CALN1: variants seen among roughly 807,000 people sequenced by gnomAD.
The protein encoded by CALN1 is calneuron 1.
CALN1 carries 17 observed loss-of-function variants against 30.6 expected under a neutral mutation model. The ratio of observed to expected loss-of-function variants is 0.56; its 90% CI spans 0.38 to 0.83. CALN1 has a LOEUF of 0.83. Among genes scored for constraint, CALN1 ranks in the 40% least tolerant of loss-of-function variants. The pLI is 0.00. For synonymous variants in CALN1, 156 were observed against 131.4 expected, an observed-to-expected ratio of 1.19 and a Z score of -1.28; for missense variants, 291 against 354.9, an observed-to-expected ratio of 0.82 and a Z score of 1.45.
At chr7:72,145,344 T>C (rs1252659990) in intron 3 of CALN1, among the ~76,000 whole-genome samples, 2 of 152,098 alleles carry the variant, frequency 1.3e-5, no homozygotes, top group Non-Finnish European at 2.9e-5. Context: ...TATAAACACC[T>C]CTACACAAAT....
At chr7:71,866,454 A>G (rs1419832565) in intron 5 of CALN1, among the ~76,000 whole-genome samples, 12 of 152,028 alleles carry the variant, frequency 7.9e-5, no homozygotes, top group African/African-American at 2.7e-4. Context: ...CATTTTTGCT[A>G]TTTGTTTTAC....
At chr7:72,382,591 T>C (rs933700598) in intron 2 of CALN1, among the ~76,000 whole-genome samples, 11 of 152,166 alleles carry the variant, frequency 7.2e-5, no homozygotes, top group Non-Finnish European at 1.6e-4. Flanking sequence ...CAATAGGAAG[T>C]TTCTCAACCC....
intron 3 of CALN1, among the ~76,000 whole-genome samples, chr7:72,212,216 G>A (rs1481479609): frequency 6.6e-6 from 1 of 152,032 alleles, no homozygotes; most frequent in Non-Finnish European, 1.5e-5. Context: ...AGGCGTGGTG[G>A]CAGGCACCTG....
intron 3 of CALN1, among the ~76,000 whole-genome samples, chr7:72,181,798 A>G (rs1789829988): frequency 6.6e-6 from 1 of 152,170 alleles, no homozygotes; most frequent in Admixed American, 6.5e-5. Flanking sequence ...TTTATCTATT[A>G]CTATATGAAA....
At chr7:72,446,167 G>A (rs957505361) in intron 1 of CALN1, among the ~76,000 whole-genome samples, 33 of 152,200 alleles carry the variant, frequency 2.2e-4, no homozygotes, top group South Asian at 1.2e-3. Flanking sequence ...TCAAGCTGAC[G>A]GAAAGGAAAT....
chr7:71,945,532 G>T (rs1796361016), intron 5 of CALN1, among the ~76,000 whole-genome samples: 1 of 152,190 alleles, frequency 6.6e-6, no homozygotes, highest in Non-Finnish European at 1.5e-5. Flanking sequence ...TGAGTGGCAG[G>T]TGAGCAAACA....
chr7:71,801,416 G>GTATCTATCTATCTATC (rs1245370935), intron 6 of CALN1, among the ~76,000 whole-genome samples: 13 of 108,126 alleles, frequency 1.2e-4, no homozygotes, highest in East Asian at 2.5e-4. Flanking sequence ...ATGTATGTAT[G>GTATCTATCTATCTATC]TATGTATGTA....
At chr7:71,953,562 C>T (rs1041932938) in intron 5 of CALN1, among the ~76,000 whole-genome samples, 14 of 152,086 alleles carry the variant, frequency 9.2e-5, no homozygotes, top group Admixed American at 3.3e-4. Flanking sequence ...TGGTGTTTTC[C>T]GCATTCTAAG....
intron 4 of CALN1, among the ~76,000 whole-genome samples, chr7:72,054,108 T>C (rs1295315644): frequency 3.9e-5 from 6 of 152,126 alleles, no homozygotes; most frequent in Non-Finnish European, 2.9e-5. Flanking sequence ...TAAACACGCA[T>C]GTGCAAGTAC....
intron 5 of CALN1, among the ~76,000 whole-genome samples, chr7:71,875,280 G>T (rs1226740340): frequency 6.6e-6 from 1 of 151,574 alleles, no homozygotes; most frequent in African/African-American, 2.4e-5. Context: ...CCAGAGACCT[G>T]ACAGAACTGG....
intron 4 of CALN1, among the ~76,000 whole-genome samples, chr7:72,072,692 T>A (rs1804481638): frequency 6.6e-6 from 1 of 152,214 alleles, no homozygotes; most frequent in Non-Finnish European, 1.5e-5. Flanking sequence ...AATAATTTTT[T>A]AAAAGAAATT....
At chr7:72,293,357 T>A (rs991447906) in intron 2 of CALN1, among the ~76,000 whole-genome samples, 1 of 152,024 alleles carries the variant, frequency 6.6e-6, no homozygotes, top group South Asian at 2.1e-4. Context: ...AAAGGAGAGA[T>A]GGAAAGGCTT....
intron 2 of CALN1, among the ~76,000 whole-genome samples, chr7:72,352,429 C>G (rs2968515): frequency 0.36 from 52,552 of 146,360 alleles, 10,240 homozygotes; most frequent in Middle Eastern, 0.53. Context: ...TTAAAGTTAT[C>G]AAAATCATAC....
At chr7:72,442,412 G>C (rs1156990731) in intron 1 of CALN1, among the ~76,000 whole-genome samples, 1 of 152,178 alleles carries the variant, frequency 6.6e-6, no homozygotes, top group East Asian at 1.9e-4. Context: ...ATTCTATTTA[G>C]GATTGCACTT....
chr7:72,477,360 A>G, the CALN1 span, among the ~76,000 whole-genome samples: 2 of 152,170 alleles, frequency 1.3e-5, no homozygotes, highest in Admixed American at 6.5e-5. Flanking sequence ...CCCAGTACAC[A>G]AAAGAGTTAA....
rs184554305 is a variant in CALN1 at position 71,831,423 on chromosome 7, T to A, written c.502-20931A>T. Among the ~76,000 whole-genome samples, 1,356 of 152,172 alleles carry A rather than the reference T, an allele frequency of 8.9e-3. 16 individuals are homozygous for A. The highest frequency in any genetic ancestry group is 0.03 in the African/African-American group (1,232 of 41,508). Reference sequence around the variant, plus strand: ...TGAACCCAGGAGGCAGATGTTGCAGTAAGCCAAGATCGTGCCACTGCACTC... The same window carrying A: ...TGAACCCAGGAGGCAGATGTTGCAGAAAGCCAAGATCGTGCCACTGCACTC... On this transcript the variant is annotated intron_variant, in intron 5 of 6. Coordinates refer to ENST00000395275, the MANE Select transcript of CALN1 (RefSeq NM_031468.4).
intron 3 of CALN1, among the ~76,000 whole-genome samples, chr7:72,200,717 C>T (rs1478622964): frequency 6.6e-6 from 1 of 152,112 alleles, no homozygotes; most frequent in African/African-American, 2.4e-5. Flanking sequence ...CTGGCAGCAG[C>T]AAACAATGAT....
intron 5 of CALN1, among the ~76,000 whole-genome samples, chr7:71,939,437 G>A (rs1349558930): frequency 6.6e-6 from 1 of 151,398 alleles, no homozygotes; most frequent in Non-Finnish European, 1.5e-5. Flanking sequence ...GCCAGGCATG[G>A]TGGCGGGCAC....
chr7:72,221,931 GAA>G (rs552690428), intron 3 of CALN1, among the ~76,000 whole-genome samples: 9 of 151,652 alleles, frequency 5.9e-5, no homozygotes, highest in Admixed American at 2.6e-4. Flanking sequence ...AACCTATAAA[GAA>G]AAGAGTTTTA....
Sources: gnomAD v4.1 joint callset for allele counts (sites outside exome capture counted in the v4.1 genomes callset) on GRCh38, gnomAD v4.1.1 for gene constraint, MANE v1.5 for transcripts, NCBI Gene and HGNC (gene_info 2026-07-23, HGNC 2026-07-21) for gene names.